The following MRPL42 variants were observed in gnomAD, a reference collection of about 807,000 sequenced individuals.
MRPL42 encodes the protein large ribosomal subunit protein mL42.
In MRPL42, 17 loss-of-function variants were observed where a neutral mutation model predicts 17.9. The observed-to-expected ratio is 0.95, with a 90% confidence interval of 0.65 to 1.42. The LOEUF (loss-of-function observed/expected upper bound fraction) is 1.42. Among genes scored for constraint, MRPL42 ranks in the 40% most tolerant of loss-of-function variants. The pLI, the probability that MRPL42 is intolerant of heterozygous loss-of-function variation, is 0.00. For synonymous variants in MRPL42, 59 were observed against 54.4 expected (o/e 1.08, Z -0.37); for missense variants, 177 against 175.2 (o/e 1.01, Z -0.06).
intron 2 of MRPL42, among the ~76,000 whole-genome samples, chr12:93,469,687 G>A (rs982468562): frequency 2.0e-5 from 3 of 152,140 alleles, no homozygotes; most frequent in Non-Finnish European, 2.9e-5. Context: ...CATCTGAACT[G>A]TGACTGTCAT....
At position 93,501,218 on chromosome 12, in the gene MRPL42, A is replaced by G; in HGVS notation, c.426A>G (p.Arg142=). 1.9e-6 allele frequency: 3 copies of G among 1,602,494 alleles called. No homozygotes were observed. Among genetic ancestry groups the G allele is most frequent in the Non-Finnish European group, 2.5e-6 (3 of 1,176,528 alleles). ...AGAATCTGAATCCTCCAAAAGACAG[A>G]TGATGCGGAGGTTCCTGGGGGAATC... is the stretch of plus-strand genomic sequence containing the variant. ...CRKNLNPPKD[R] The change falls in exon 6 of 6, where the codon AGA becomes AGG. Residue 142 remains arginine (R), a synonymous_variant. Transcript: ENST00000549982.
rs911735423 is a variant in MRPL42, at chr12:93,513,698, CTATT to C, written c.*12482_*12485del. On this transcript the variant is annotated 3_prime_UTR_variant, in exon 6 of 6. Coordinates refer to ENST00000549982, the MANE Select transcript of MRPL42 (RefSeq NM_014050.4). ...TTTCCGTTTTATGTGTGTTCCAATT[CTATT>C]TATTGAAATTTAATTTTATATCCAT... 16 of 152,084 alleles carry C rather than the reference CTATT, an allele frequency of 1.1e-4. No individual in the cohort carries two copies. Among genetic ancestry groups the C allele is most frequent in the African/African-American group, 3.9e-4 (16 of 41,488 alleles). 9.4% of individuals were successfully genotyped at this position (152,084 alleles called of 1,614,324 possible).
Position 93,484,961 on chromosome 12 carries a change from A to AAC in MRPL42, c.220-2518_220-2517dup, listed in dbSNP as rs79607829. Among the ~76,000 whole-genome samples the AAC allele has an allele frequency of 8.4e-3, 224 of 26,708 alleles. 6 individuals carry two copies. Among genetic ancestry groups the AAC allele is most frequent in the South Asian group, 0.022 (18 of 800 alleles). The allele number at this position is 26,708 out of a possible 152,430, so 17.5% of individuals were successfully genotyped here. A position where few individuals can be genotyped will look rare whatever the true frequency, so the allele number is the denominator to read the frequency against. ...GTGCCACCTCCATTGCTTTTTAAAA[A>AAC]ACACACACACACACACACATATATA... On this transcript the variant is annotated intron_variant, in intron 4 of 5. Coordinates refer to ENST00000549982, the MANE Select transcript of MRPL42 (RefSeq NM_014050.4).
At chr12:93,467,639 T>C (rs1201239661) in intron 1 of MRPL42, 85 bp downstream of exon 1, 1 of 152,724 alleles carries the variant, frequency 6.5e-6, no homozygotes, top group African/African-American at 2.4e-5. Flanking sequence ...TGTAGAGGTC[T>C]CCCGCCTGTC....
At chr12:93,470,439 A>G (rs1307355107) in intron 2 of MRPL42, 7 of 1,255,014 alleles carry the variant, frequency 5.6e-6, no homozygotes, top group East Asian at 5.6e-5. Context: ...TTGCCTTTTT[A>G]TATTAAACTA....
At chr12:93,498,039 T>C (rs1271859879) in intron 5 of MRPL42, among the ~76,000 whole-genome samples, 1 of 25,636 alleles carries the variant, frequency 3.9e-5, no homozygotes, top group Non-Finnish European at 8.6e-5. Context: ...GAACACTCTT[T>C]CTCACAGTAT....
At chr12:93,479,622 T>G in intron 4 of MRPL42, 150 bp downstream of exon 4, 1 of 445,740 alleles carries the variant, frequency 2.2e-6, no homozygotes, top group South Asian at 5.1e-5. Flanking sequence ...ATTTTTCTCT[T>G]ATTTATTTTT....
Position 93,507,791 on chromosome 12 carries a change from T to C in MRPL42, c.*6570T>C, listed in dbSNP as rs1227251228. On this transcript the variant is annotated 3_prime_UTR_variant, in exon 6 of 6. Transcript: ENST00000549982. ...ATCATCCAGCAAGCTAGGCCTGGAT[T>C]CTTCACATGGCTTTAGGATTTCAAG... 1 of 152,310 alleles carries C rather than the reference T, an allele frequency of 6.6e-6. No homozygotes were observed. The highest frequency in any genetic ancestry group is 1.5e-5 in the Non-Finnish European group (1 of 68,142). 9.4% of individuals were successfully genotyped at this position (152,310 alleles called of 1,614,324 possible). A position where few individuals can be genotyped will look rare whatever the true frequency, so the allele number is the denominator to read the frequency against.
intron 4 of MRPL42, among the ~76,000 whole-genome samples, chr12:93,485,003 T>C (rs369252460): frequency 0.027 from 1,842 of 68,220 alleles, 363 homozygotes; most frequent in African/African-American, 0.085. Context: ...TATATATATA[T>C]ATATATATAT....
chr12:93,478,273 G>A (rs577029333), intron 3 of MRPL42, among the ~76,000 whole-genome samples: 22 of 150,722 alleles, frequency 1.5e-4, no homozygotes, highest in Admixed American at 6.0e-4. Flanking sequence ...TTTGAGACAG[G>A]GTCTCGCTTT....
intron 5 of MRPL42, among the ~76,000 whole-genome samples, chr12:93,489,679 A>G (rs796675275): frequency 6.6e-6 from 1 of 152,246 alleles, no homozygotes; most frequent in African/African-American, 2.4e-5. Context: ...GACTACAAGC[A>G]TGTTGCCACC....
rs1953608575 is a variant in MRPL42 at position 93,502,340 on chromosome 12, A to C, written c.*1119A>C. 1 of 152,162 alleles carries C rather than the reference A, an allele frequency of 6.6e-6. No homozygotes were observed. Among genetic ancestry groups the C allele is most frequent in the Non-Finnish European group, 1.5e-5 (1 of 68,018 alleles). 9.4% of individuals were successfully genotyped at this position (152,162 alleles called of 1,614,324 possible). ...TAGCATTGCTTCCCCTTCAGTTTCT[A>C]TTTAGGAGGTGAAGAATCTTTTAAT... On this transcript the variant is annotated 3_prime_UTR_variant, in exon 6 of 6. Coordinates refer to ENST00000549982, the MANE Select transcript of MRPL42 (RefSeq NM_014050.4).
At chr12:93,488,999 C>T (rs779616989) in intron 5 of MRPL42, among the ~76,000 whole-genome samples, 14 of 151,956 alleles carry the variant, frequency 9.2e-5, no homozygotes, top group Admixed American at 9.2e-4. Context: ...CTAGTTTGAA[C>T]AAAACTTTGT....
rs918024418 is a variant in MRPL42 at position 93,503,115 on chromosome 12, T to C, written c.*1894T>C. The stretch of plus-strand genomic sequence containing the variant: ...TGTCTGTTTTGCAGACATTTTAAAA[T>C]TCGTAAAGTGGGATGCTTCTTTAAT... On this transcript the variant is annotated 3_prime_UTR_variant, in exon 6 of 6. Coordinates refer to ENST00000549982, the MANE Select transcript of MRPL42 (RefSeq NM_014050.4). 6.6e-6 allele frequency: 1 copy of C among 152,208 alleles called. No homozygotes were observed. The highest frequency in any genetic ancestry group is 1.9e-4 in the East Asian group (1 of 5,192). 9.4% of individuals were successfully genotyped at this position (152,208 alleles called of 1,614,324 possible). A position where few individuals can be genotyped will look rare whatever the true frequency, so the allele number is the denominator to read the frequency against.
At position 93,503,889 on chromosome 12, in the gene MRPL42, C is replaced by T. The variant is rs1953632925; in HGVS notation, c.*2668C>T. On this transcript the variant is annotated 3_prime_UTR_variant, in exon 6 of 6. Transcript: ENST00000549982. Reference sequence around the variant, plus strand: ...GGCTTGTCATAATTTAATTAACTCCCTGCTGTTAGACAAAATCATTGTTTC... The same window carrying T: ...GGCTTGTCATAATTTAATTAACTCCTTGCTGTTAGACAAAATCATTGTTTC... 1.3e-5 allele frequency: 2 copies of T among 152,030 alleles called. No homozygotes were observed. Among genetic ancestry groups the T allele is most frequent in the South Asian group, 2.1e-4 (1 of 4,816 alleles). 9.4% of individuals were successfully genotyped at this position (152,030 alleles called of 1,614,324 possible). A position where few individuals can be genotyped will look rare whatever the true frequency, so the allele number is the denominator to read the frequency against.
In MRPL42 at chr12:93,479,439, C is replaced by G. The variant is rs1880349317; in HGVS notation, c.186C>G (p.His62Gln). 1 of 1,611,212 alleles carries G rather than the reference C, an allele frequency of 6.2e-7. No homozygotes were observed. Among genetic ancestry groups the G allele is most frequent in the African/African-American group, 1.3e-5 (1 of 74,774 alleles). Reference sequence around the variant, plus strand: ...ATGGCAGGACAATAGTATGCTACCACCCTTCTGTGGACATTCCATATGAAC... The same window carrying G: ...ATGGCAGGACAATAGTATGCTACCAGCCTTCTGTGGACATTCCATATGAAC... ...TSDGRTIVCYHPSVDIPYEHT... is the reference protein window; with the variant it reads ...TSDGRTIVCYQPSVDIPYEHT... Residue 62 changes from histidine to glutamine, a missense_variant, in exon 4 of 6, where the codon CAC becomes CAG. Transcript: ENST00000549982.
chr12:93,478,217 G>C (rs1267110376), intron 3 of MRPL42, among the ~76,000 whole-genome samples: 1 of 151,082 alleles, frequency 6.6e-6, no homozygotes, highest in East Asian at 2.0e-4. Flanking sequence ...CGGCCTCCCA[G>C]CGTACAAGGA....
chr12:93,476,997 T>C lies in MRPL42; in HGVS notation c.114T>C (p.Pro38=), dbSNP rs758794481. 1 of 1,604,958 alleles carries C rather than the reference T, an allele frequency of 6.2e-7. No individual in the cohort carries two copies. Among genetic ancestry groups the C allele is most frequent in the South Asian group, 1.1e-5 (1 of 90,272 alleles). ...TTTGTCATAAATCTACGTATTCTCC[T>C]CTACCAGATGACTATAATTGGTATG... The part of the protein sequence containing the change: ...YCVCHKSTYS[P]LPDDYNCNVE... The change falls in exon 3 of 6, where the codon CCT becomes CCC. Residue 38 remains proline, a synonymous_variant. Coordinates refer to ENST00000549982, the MANE Select transcript of MRPL42 (RefSeq NM_014050.4).
intron 5 of MRPL42, among the ~76,000 whole-genome samples, chr12:93,491,428 A>T (rs1953411137): frequency 6.6e-6 from 1 of 152,118 alleles, no homozygotes; most frequent in South Asian, 2.1e-4. Flanking sequence ...CTGTAGAAAT[A>T]TTTTGCCTAT....
Sources: allele counts gnomAD v4.1 joint callset (sites outside exome capture counted in the v4.1 genomes callset), GRCh38; gene constraint gnomAD v4.1.1; transcripts MANE v1.5; gene names NCBI Gene and HGNC (gene_info 2026-07-23, HGNC 2026-07-21).